Variants in DCC observed in about 807,000 individuals in gnomAD.
The protein encoded by DCC is DCC netrin 1 receptor.
In DCC, 58 loss-of-function variants were observed where a neutral mutation model predicts 172.5. That is an observed-to-expected ratio of 0.34 (90% CI 0.27 to 0.42). The LOEUF is 0.42. Among genes scored for constraint, DCC ranks in the 10% least tolerant of loss-of-function variants. The probability of loss-of-function intolerance (pLI) is 1.00; values close to 1 mark genes in which losing one functional copy is unlikely to be tolerated. For missense variants in DCC, 1,740 were observed against 1,791.0 expected, an observed-to-expected ratio of 0.97 and a Z score of 0.51; for synonymous variants, 709 against 644.5, an observed-to-expected ratio of 1.10 and a Z score of -1.52.
At chr18:52,353,794 T>C (rs1159519798) in intron 1 of DCC, among the ~76,000 whole-genome samples, 1 of 152,164 alleles carries the variant, frequency 6.6e-6, no homozygotes, top group Non-Finnish European at 1.5e-5. Context: ...AAATCACTAG[T>C]GTTCCTCCTG....
At chr18:52,718,986 AT>A (rs1356999814) in intron 1 of DCC, among the ~76,000 whole-genome samples, 3 of 152,132 alleles carry the variant, frequency 2.0e-5, no homozygotes, top group Non-Finnish European at 4.4e-5. Context: ...CAGCAGGTCC[AT>A]TTTCCCTCTG....
chr18:52,598,500 T>C (rs1331347346), intron 1 of DCC, among the ~76,000 whole-genome samples: 4 of 152,184 alleles, frequency 2.6e-5, no homozygotes, highest in Non-Finnish European at 5.9e-5. Context: ...GTGAACGCTT[T>C]TCTATAGACA....
chr18:52,834,472 T>C (rs1355949071), intron 2 of DCC, among the ~76,000 whole-genome samples: 3 of 152,180 alleles, frequency 2.0e-5, no homozygotes, highest in Non-Finnish European at 2.9e-5. Context: ...TGATATTCAC[T>C]GAAACTTGAG....
At chr18:52,429,823 C>A (rs1337352426) in intron 1 of DCC, among the ~76,000 whole-genome samples, 1 of 152,078 alleles carries the variant, frequency 6.6e-6, no homozygotes, top group Non-Finnish European at 1.5e-5. Context: ...GTAATTAAAA[C>A]CTGGCTCCTC....
chr18:52,500,957 G>A (rs919760884), intron 1 of DCC, among the ~76,000 whole-genome samples: 1 of 152,136 alleles, frequency 6.6e-6, no homozygotes, highest in South Asian at 2.1e-4. Context: ...ATATAAGATG[G>A]TCAATATTTT....
intron 27 of DCC, among the ~76,000 whole-genome samples, chr18:53,525,785 T>A (rs1258058594): frequency 6.6e-6 from 1 of 152,136 alleles, no homozygotes. Context: ...TCTAATACCT[T>A]TTCTGCTGAA....
At chr18:53,179,876 CG>C (rs199864197) in intron 9 of DCC, among the ~76,000 whole-genome samples, 2,254 of 152,236 alleles carry the variant, frequency 0.015, 21 homozygotes, top group Non-Finnish European at 0.024. Context: ...CATTAAAAAA[CG>C]ATTGGAATTT....
At chr18:53,471,558 G>A (rs879646226) in intron 25 of DCC, among the ~76,000 whole-genome samples, 13 of 152,126 alleles carry the variant, frequency 8.5e-5, no homozygotes, top group Admixed American at 2.6e-4. Context: ...TGTTCTACAA[G>A]GTCCCATGTG....
chr18:53,062,928 T>A (rs189835683), intron 5 of DCC, among the ~76,000 whole-genome samples: 1 of 152,262 alleles, frequency 6.6e-6, no homozygotes, highest in Admixed American at 6.5e-5. Flanking sequence ...TTGTCTCAGT[T>A]CCACCAGCTT....
intron 1 of DCC, among the ~76,000 whole-genome samples, chr18:52,562,392 T>A (rs2033059812): frequency 6.6e-6 from 1 of 152,210 alleles, no homozygotes; most frequent in Admixed American, 6.5e-5. Context: ...TCAACATTCA[T>A]GGGTCCCAGA....
At chr18:53,191,352 T>A (rs149304402) in intron 9 of DCC, among the ~76,000 whole-genome samples, 4 of 152,258 alleles carry the variant, frequency 2.6e-5, no homozygotes, top group African/African-American at 9.6e-5. Context: ...TGCCACAGAG[T>A]GTTTAAATTA....
chr18:52,422,375 C>T (rs1568163252), intron 1 of DCC, among the ~76,000 whole-genome samples: 1 of 152,102 alleles, frequency 6.6e-6, no homozygotes, highest in Non-Finnish European at 1.5e-5. Flanking sequence ...AGCTCTTAGT[C>T]CCCTTAACAT....
At chr18:53,344,137 C>G (rs1214781487) in intron 15 of DCC, among the ~76,000 whole-genome samples, 1 of 151,938 alleles carries the variant, frequency 6.6e-6, no homozygotes, top group Non-Finnish European at 1.5e-5. Context: ...CTACTGTTAT[C>G]TTGACTACTT....
chr18:52,687,888 C>A (rs571021515), intron 1 of DCC, among the ~76,000 whole-genome samples: 1 of 152,036 alleles, frequency 6.6e-6, no homozygotes, highest in African/African-American at 2.4e-5. Flanking sequence ...AGATGGGAAA[C>A]AAAAGAATCC....
chr18:52,774,970 A>G (rs893115264), intron 2 of DCC, among the ~76,000 whole-genome samples: 1 of 152,154 alleles, frequency 6.6e-6, no homozygotes, highest in Non-Finnish European at 1.5e-5. Flanking sequence ...GAGAGAAAAG[A>G]GAGAAAGTCT....
chr18:52,694,736 G>A (rs987465255), intron 1 of DCC, among the ~76,000 whole-genome samples: 61 of 152,000 alleles, frequency 4.0e-4, no homozygotes, highest in Non-Finnish European at 2.4e-4. Flanking sequence ...TGGCTCTCAG[G>A]AGAATCACAT....
In DCC at chr18:53,148,833, A is replaced by G. The variant is rs549659597; in HGVS notation, c.1262-8523A>G. ...TTGTCCTCAACTTACTTGATCTACC[A>G]GACTCAAAACTAGCTCAGAACTTCC... On this transcript the variant is annotated intron_variant, in intron 7 of 28. Coordinates refer to ENST00000442544, the MANE Select transcript of DCC (RefSeq NM_005215.4). 2.7e-5 allele frequency among the ~76,000 whole-genome samples: 4 copies of G among 149,248 alleles called. No individual in the cohort carries two copies. The South Asian group carries it at 8.5e-4, about 32-fold the overall frequency.
intron 25 of DCC, among the ~76,000 whole-genome samples, chr18:53,470,018 C>A (rs1262743345): frequency 6.6e-6 from 1 of 152,084 alleles, no homozygotes; most frequent in Non-Finnish European, 1.5e-5. Flanking sequence ...TTCTTCCTAC[C>A]CTTCTGGCTG....
intron 1 of DCC, among the ~76,000 whole-genome samples, chr18:52,441,455 T>C (rs1159323607): frequency 6.6e-6 from 1 of 152,204 alleles, no homozygotes; most frequent in African/African-American, 2.4e-5. Context: ...ATTTTTACCT[T>C]ATTTTTAGTC....
Sources: gnomAD v4.1 joint callset for allele counts (sites outside exome capture counted in the v4.1 genomes callset) on GRCh38, gnomAD v4.1.1 for gene constraint, MANE v1.5 for transcripts, NCBI Gene and HGNC (gene_info 2026-07-23, HGNC 2026-07-21) for gene names.